IL17RD: variants seen among roughly 807,000 people sequenced by gnomAD.
IL17RD encodes the protein interleukin 17 receptor D, also known as interleukin-17 receptor D.
In IL17RD, 52 loss-of-function variants were observed where a neutral mutation model predicts 80.5. The ratio of observed to expected loss-of-function variants is 0.65; its 90% confidence interval spans 0.52 to 0.81. IL17RD has a LOEUF of 0.81. Ranked by LOEUF, IL17RD falls within the 40% of genes least tolerant of loss-of-function variation. IL17RD has a pLI of 0.00. For synonymous variants in IL17RD, 416 were observed against 391.8 expected (o/e 1.06, Z -0.73); for missense variants, 1,024 against 955.1 (o/e 1.07, Z -0.95).
At chr3:57,134,103 G>A (rs187421028) in intron 1 of IL17RD, 88 of 522,738 alleles carry the variant, frequency 1.7e-4, no homozygotes, top group Admixed American at 1.6e-3. Flanking sequence ...AAGAATCGGG[G>A]AGCTCATTGC....
chr3:57,134,651 C>A, intron 1 of IL17RD: 2 of 752,912 alleles, frequency 2.7e-6, no homozygotes, highest in South Asian at 1.3e-5. Flanking sequence ...CACGCAAGCA[C>A]CATGAAGACC....
At chr3:57,166,158 AG>A (rs1457817389), upstream of IL17RD, among the ~76,000 whole-genome samples, 1 of 152,156 alleles carries the variant, frequency 6.6e-6, no homozygotes, top group Non-Finnish European at 1.5e-5. Flanking sequence ...AGCTATCCAG[AG>A]TTTCACCGCA....
At chr3:57,117,377 G>A (rs185370041) in intron 2 of IL17RD, among the ~76,000 whole-genome samples, 2 of 152,174 alleles carry the variant, frequency 1.3e-5, no homozygotes, top group African/African-American at 4.8e-5. Context: ...GCCTCCCAAA[G>A]TGCTGGGATT....
chr3:57,146,045 G>GCGCGCGCACA lies in IL17RD; in HGVS notation c.126+19115_126+19116insTGTGCGCGCG, dbSNP rs766646872. 9.3e-5 allele frequency among the ~76,000 whole-genome samples: 14 copies of GCGCGCGCACA among 151,244 alleles called. No individual in the cohort carries two copies. In the South Asian group the frequency reaches 1.0e-3, roughly 11 times the overall value. On this transcript the variant is annotated intron_variant, in intron 1 of 12. Coordinates refer to ENST00000296318, the MANE Select transcript of IL17RD (RefSeq NM_017563.5). ...CACACACACTCACGCGCGCGCGCGCGCACACACACACACACTGATGCATGC... is the reference window on the plus strand; with the variant it reads ...CACACACACTCACGCGCGCGCGCGCGCGCGCGCACACACACACACACACACTGATGCATGC...
At chr3:57,121,452 T>C (rs947343281) in intron 1 of IL17RD, among the ~76,000 whole-genome samples, 1 of 152,058 alleles carries the variant, frequency 6.6e-6, no homozygotes, top group East Asian at 1.9e-4. Flanking sequence ...GAAAGCACAA[T>C]TGGGCAGAGA....
At position 57,098,015 on chromosome 3, in the gene IL17RD, T is replaced by C. The variant is rs369527126; in HGVS notation, c.1688A>G (p.Gln563Arg). ...TGGAGGAGGATGGAAGGGAACGAAC[T>C]GCTTTTCGAACCAGTCGGGCTCCTC... ...IDEEPDWFEK[Q>R]FVPFHPPPLR... The change falls in exon 12 of 13, where the codon CAG becomes CGG. Residue 563 changes from glutamine to arginine, a missense_variant. By Grantham distance (43) the Gln-to-Arg change is conservative. Coordinates refer to ENST00000296318, the MANE Select transcript of IL17RD (RefSeq NM_017563.5). 5.0e-6 allele frequency: 8 copies of C among 1,613,940 alleles called. No individual in the cohort carries two copies. Among genetic ancestry groups the C allele is most frequent in the Non-Finnish European group, 6.8e-6 (8 of 1,179,906 alleles).
chr3:57,128,233 T>C (rs1248896106), intron 1 of IL17RD, among the ~76,000 whole-genome samples: 5 of 152,122 alleles, frequency 3.3e-5, no homozygotes, highest in Non-Finnish European at 7.4e-5. Context: ...AATTACCACA[T>C]TGGCCCAAAA....
intron 1 of IL17RD, among the ~76,000 whole-genome samples, chr3:57,161,568 G>C (rs1469061979): frequency 6.6e-6 from 1 of 152,198 alleles, no homozygotes; most frequent in Admixed American, 6.5e-5. Flanking sequence ...TTATGTTCCA[G>C]GGATAATAGA....
chr3:57,164,215 C>T (rs568030783), intron 1 of IL17RD, among the ~76,000 whole-genome samples: 64 of 152,338 alleles, frequency 4.2e-4, no homozygotes, highest in African/African-American at 1.4e-3. Flanking sequence ...AAGCTTAAGG[C>T]CGTGAGTGCC....
At position 57,165,051 on chromosome 3, in the gene IL17RD, C is replaced by G. The variant is rs192997518; in HGVS notation, c.126+110G>C. ...GAGTGAGACCCAGGCCGGCCGCGGA[C>G]CCCGCGAAGAGCAGACAGGTTGGCG... is the stretch of plus-strand genomic sequence containing the variant. On this transcript the variant is annotated intron_variant, in intron 1 of 12. Transcript: ENST00000296318. The G allele has an allele frequency of 6.6e-5, 90 of 1,358,122 alleles. No individual in the cohort carries two copies. In the African/African-American group the frequency reaches 1.3e-3, roughly 19 times the overall value. 84.1% of individuals were successfully genotyped at this position (1,358,122 alleles called of 1,614,324 possible). A position where few individuals can be genotyped will look rare whatever the true frequency, so the allele number is the denominator to read the frequency against.
rs761538748 is a variant in IL17RD, at chr3:57,098,070, C to T, written c.1633G>A (p.Ala545Thr). 1.2e-6 allele frequency: 2 copies of T among 1,613,912 alleles called. No homozygotes were observed. Among genetic ancestry groups the T allele is most frequent in the East Asian group, 2.2e-5 (1 of 44,876 alleles). The change falls in exon 12 of 13, where the codon GCC becomes ACC. Residue 545 changes from alanine to threonine, a missense_variant. By Grantham distance (58) the Ala-to-Thr change is moderately conservative. Coordinates refer to ENST00000296318, the MANE Select transcript of IL17RD (RefSeq NM_017563.5). ...RSKSGRSLYVAICNMHQFIDE... is the reference protein window; with the variant it reads ...RSKSGRSLYVTICNMHQFIDE... Reference sequence around the variant, plus strand: ...ATAAACTGGTGCATGTTGCAAATGGCGACGTATAGGGACCGGCCTGACTTG... The same window carrying T: ...ATAAACTGGTGCATGTTGCAAATGGTGACGTATAGGGACCGGCCTGACTTG...
chr3:57,126,081 G>C (rs1707452788), intron 1 of IL17RD, among the ~76,000 whole-genome samples: 1 of 152,166 alleles, frequency 6.6e-6, no homozygotes, highest in Non-Finnish European at 1.5e-5. Flanking sequence ...ACAATCCCAA[G>C]CTTTTAGCTA....
At chr3:57,157,386 C>T (rs1368543499) in intron 1 of IL17RD, among the ~76,000 whole-genome samples, 2 of 152,138 alleles carry the variant, frequency 1.3e-5, no homozygotes, top group Non-Finnish European at 2.9e-5. Flanking sequence ...TTGTCCAGGC[C>T]CCTACTCCTT....
intron 1 of IL17RD, among the ~76,000 whole-genome samples, chr3:57,138,406 TG>T (rs1293542791): frequency 2.0e-5 from 3 of 151,818 alleles, no homozygotes; most frequent in African/African-American, 7.2e-5. Context: ...GACTAGAGGG[TG>T]GAAGACTGGA....
At chr3:57,106,302 T>C in intron 5 of IL17RD, 148 bp from the exon 6 acceptor site, 1 of 623,850 alleles carries the variant, frequency 1.6e-6, no homozygotes, top group Non-Finnish European at 2.8e-6. Context: ...TTTTCACTAC[T>C]GTGCAGTTGT....
Position 57,097,722 on chromosome 3 carries a change from C to G in IL17RD, c.1981G>C (p.Asp661His). ...KAGSPSDMPR[D>H]SGIYDSSVPS... ...ACAGACGAGTCATAGATGCCTGAGT[C>G]CCGCGGCATGTCCGAGGGGCTGCCG... The change falls in exon 12 of 13, where the codon GAC becomes CAC. Residue 661 changes from aspartate to histidine, a missense_variant. Physicochemically the swap from Asp to His is moderately conservative, Grantham distance 81. Coordinates refer to ENST00000296318, the MANE Select transcript of IL17RD (RefSeq NM_017563.5). 1 of 1,603,132 alleles carries G rather than the reference C, an allele frequency of 6.2e-7. No homozygotes were observed. Among genetic ancestry groups the G allele is most frequent in the Non-Finnish European group, 8.5e-7 (1 of 1,174,000 alleles).
At chr3:57,116,814 T>C (rs1707225672) in intron 2 of IL17RD, among the ~76,000 whole-genome samples, 1 of 151,926 alleles carries the variant, frequency 6.6e-6, no homozygotes, top group Non-Finnish European at 1.5e-5. Context: ...ACAGAGCTTA[T>C]TGCTACCAAC....
chr3:57,165,875 TCC>T (rs879766287), upstream of IL17RD, among the ~76,000 whole-genome samples: 1 of 151,776 alleles, frequency 6.6e-6, no homozygotes, highest in African/African-American at 2.4e-5. Context: ...CAACCCCCCG[TCC>T]CCCTCACCCT....
At chr3:57,167,257 T>C (rs2060352454), upstream of IL17RD, among the ~76,000 whole-genome samples, 1 of 151,858 alleles carries the variant, frequency 6.6e-6, no homozygotes, top group Non-Finnish European at 1.5e-5. Context: ...CCCAGTGAGG[T>C]TTACCATACC....
Sources: gnomAD v4.1 joint callset for allele counts (sites outside exome capture counted in the v4.1 genomes callset) on GRCh38, gnomAD v4.1.1 for gene constraint, MANE v1.5 for transcripts, NCBI Gene and HGNC (gene_info 2026-07-23, HGNC 2026-07-21) for gene names.